Variants in REV3L observed in about 807,000 individuals in gnomAD.
REV3L encodes REV3 like, DNA directed polymerase zeta catalytic subunit.
A neutral mutation model predicts 299.4 loss-of-function variants in REV3L; 69 were observed. The ratio of observed to expected loss-of-function variants is 0.23; its 90% CI spans 0.19 to 0.28. REV3L has a LOEUF of 0.28. Ranked by LOEUF, REV3L falls within the 10% of genes least tolerant of loss-of-function variation. The pLI is 1.00. For missense variants in REV3L, 3,128 were observed against 3,693.8 expected (o/e 0.85, Z 3.97); for synonymous variants, 1,238 against 1,271.4 (o/e 0.97, Z 0.56).
chr6:111,470,174 T>TCACACA (rs6149753), intron 1 of REV3L, among the ~76,000 whole-genome samples: 45 of 150,368 alleles, frequency 3.0e-4, no homozygotes, highest in Non-Finnish European at 5.3e-4. Context: ...TTACTATCTC[T>TCACACA]CACACACACA....
intron 1 of REV3L, among the ~76,000 whole-genome samples, chr6:111,469,494 TG>T (rs1051438409): frequency 2.0e-5 from 3 of 152,186 alleles, no homozygotes; most frequent in African/African-American, 7.2e-5. Context: ...GTTGTAGTAA[TG>T]GCCCCCTAAT....
intron 31 of REV3L, among the ~76,000 whole-genome samples, chr6:111,301,153 A>G (rs993941131): frequency 1.6e-4 from 25 of 152,326 alleles, no homozygotes; most frequent in Non-Finnish European, 2.8e-4. Flanking sequence ...GGCCTCCTGC[A>G]GCACCCCCAG....
intron 12 of REV3L, 80 bp from the exon 13 acceptor site, chr6:111,376,837 T>C (rs1027395630): frequency 5.3e-5 from 61 of 1,152,514 alleles, no homozygotes; most frequent in Non-Finnish European, 6.9e-5. Flanking sequence ...AAGATATTAA[T>C]GCTATCACTA....
At chr6:111,421,320 A>C (rs576460911) in intron 1 of REV3L, among the ~76,000 whole-genome samples, 1 of 152,192 alleles carries the variant, frequency 6.6e-6, no homozygotes, top group Non-Finnish European at 1.5e-5. Flanking sequence ...ATAAACACAA[A>C]GACTAAATGT....
chr6:111,425,840 G>A (rs1490246328), intron 1 of REV3L, among the ~76,000 whole-genome samples: 1 of 151,970 alleles, frequency 6.6e-6, no homozygotes, highest in Non-Finnish European at 1.5e-5. Flanking sequence ...TATCAATGAA[G>A]AGAGAGAAAT....
rs769581155 is a variant in REV3L, at chr6:111,411,500, G to A, written c.384C>T (p.Tyr128=). The A allele has an allele frequency of 7.6e-6, 12 of 1,586,272 alleles. No individual in the cohort carries two copies. The highest frequency in any genetic ancestry group is 9.5e-6 in the Non-Finnish European group (11 of 1,161,480). The change falls in exon 3 of 32, where the codon TAC becomes TAT. Residue 128 remains tyrosine (Y), a synonymous_variant. Transcript: ENST00000368802. The part of the protein sequence containing the change: ...KERHFMKIYL[Y]NPTMVKRICE... The stretch of plus-strand genomic sequence containing the variant: ...TGTACCTTTTCACCATTGTAGGATT[G>A]TAAAGATAGATCTTCATAAAGTGTC...
At chr6:111,483,387 G>C, upstream of REV3L, 1 of 462,776 alleles carries the variant, frequency 2.2e-6, no homozygotes, top group Non-Finnish European at 3.8e-6. Context: ...CCGGGCACGC[G>C]GCGAGGGAGG....
chr6:111,403,920 C>T (rs1783348847), intron 4 of REV3L, among the ~76,000 whole-genome samples: 1 of 152,286 alleles, frequency 6.6e-6, no homozygotes, highest in Middle Eastern at 3.4e-3. Flanking sequence ...AACACACAAA[C>T]GATGAGAAAG....
At chr6:111,310,182 A>G (rs940607540) in intron 29 of REV3L, 83 bp from the exon 30 acceptor site, 2 of 1,417,716 alleles carry the variant, frequency 1.4e-6, no homozygotes, top group Non-Finnish European at 1.9e-6. Context: ...GAATTAAACA[A>G]TAATAAAACA....
In REV3L at chr6:111,483,051, A is replaced by T. The variant is rs1489857938; in HGVS notation, c.-163T>A. On this transcript the variant is annotated 5_prime_UTR_variant, in exon 1 of 32. Coordinates refer to ENST00000368802, the MANE Select transcript of REV3L (RefSeq NM_001372078.1). ...CGAGGAGCGGCGGGCGGGGCGGTGTAGGCGCTGCTGCCGCCGCCTCCTCAG... is the reference window on the plus strand; with the variant it reads ...CGAGGAGCGGCGGGCGGGGCGGTGTTGGCGCTGCTGCCGCCGCCTCCTCAG... 29 of 882,130 alleles carry T rather than the reference A, an allele frequency of 3.3e-5. No individual in the cohort carries two copies. The highest frequency in any genetic ancestry group is 4.7e-6 in the Non-Finnish European group (3 of 639,872). 54.6% of individuals were successfully genotyped at this position (882,130 alleles called of 1,614,324 possible).
At chr6:111,319,265 A>C (rs1305135620) in intron 26 of REV3L, among the ~76,000 whole-genome samples, 2 of 152,180 alleles carry the variant, frequency 1.3e-5, no homozygotes, top group Non-Finnish European at 2.9e-5. Context: ...GTTCAAGACC[A>C]GCCTGGCCAA....
chr6:111,307,617 A>G, intron 30 of REV3L, 47 bp from the exon 31 acceptor site: 1 of 1,557,910 alleles, frequency 6.4e-7, no homozygotes, highest in Non-Finnish European at 8.8e-7. Flanking sequence ...GCTTCACAGC[A>G]AAGCTGCTAT....
intron 4 of REV3L, among the ~76,000 whole-genome samples, chr6:111,397,456 T>C (rs1036042086): frequency 6.6e-6 from 1 of 152,206 alleles, no homozygotes; most frequent in Non-Finnish European, 1.5e-5. Flanking sequence ...TTTTATTCCA[T>C]AGTGGTCAGA....
At chr6:111,304,770 C>A (rs1228968515) in intron 31 of REV3L, among the ~76,000 whole-genome samples, 1 of 152,006 alleles carries the variant, frequency 6.6e-6, no homozygotes, top group African/African-American at 2.4e-5. Context: ...CCTCACCCCC[C>A]TTTTGGAATC....
At chr6:111,482,624 G>T in intron 1 of REV3L, 126 bp downstream of exon 1, 1 of 443,560 alleles carries the variant, frequency 2.3e-6, no homozygotes, top group Non-Finnish European at 3.1e-6. Context: ...CGGAGGGGAG[G>T]GAAGACGCGG....
At chr6:111,338,929 C>T (rs575880786) in intron 21 of REV3L, among the ~76,000 whole-genome samples, 2 of 152,026 alleles carry the variant, frequency 1.3e-5, no homozygotes, top group East Asian at 1.9e-4. Flanking sequence ...GTGAGATAGT[C>T]GTAGGTTCAA....
intron 1 of REV3L, among the ~76,000 whole-genome samples, chr6:111,432,940 G>C (rs767811736): frequency 5.2e-4 from 79 of 152,210 alleles, no homozygotes; most frequent in Non-Finnish European, 8.4e-4. Flanking sequence ...ACATTCTCCT[G>C]AATGACCAAT....
chr6:111,418,288 A>G (rs1266673023), intron 1 of REV3L, among the ~76,000 whole-genome samples: 1 of 152,248 alleles, frequency 6.6e-6, no homozygotes, highest in Non-Finnish European at 1.5e-5. Flanking sequence ...TTTGTTTTAT[A>G]GTCAATATAT....
intron 1 of REV3L, among the ~76,000 whole-genome samples, chr6:111,476,497 G>A (rs964429043): frequency 6.6e-6 from 1 of 152,116 alleles, no homozygotes; most frequent in Non-Finnish European, 1.5e-5. Context: ...GAGGTCAGGT[G>A]TGGAATTTTC....
Sources: gnomAD v4.1 joint callset for allele counts (sites outside exome capture counted in the v4.1 genomes callset) on GRCh38, gnomAD v4.1.1 for gene constraint, MANE v1.5 for transcripts, NCBI Gene and HGNC (gene_info 2026-07-23, HGNC 2026-07-21) for gene names.